LRFN2: variants seen among roughly 807,000 people sequenced by gnomAD.
The protein encoded by LRFN2 is leucine rich repeat and fibronectin type III domain containing 2.
In LRFN2, 18 loss-of-function variants were observed where a neutral mutation model predicts 37.3. That is an observed-to-expected ratio of 0.48 (90% CI 0.33 to 0.72). The LOEUF is 0.72. LRFN2 is among the 30% of genes least tolerant of loss of function. The probability of loss-of-function intolerance (pLI) is 0.02; values close to 1 mark genes in which losing one functional copy is unlikely to be tolerated. For missense variants in LRFN2, 1,006 were observed against 1,060.7 expected (o/e 0.95, Z 0.72); for synonymous variants, 556 against 466.6 (o/e 1.19, Z -2.47).
chr6:40,397,575 G>T (rs1244187314), intron 2 of LRFN2, among the ~76,000 whole-genome samples: 1 of 152,182 alleles, frequency 6.6e-6, no homozygotes, highest in Non-Finnish European at 1.5e-5. Context: ...TCACATTGTT[G>T]TCCTTCTACC....
chr6:40,556,189 G>A lies in LRFN2; in HGVS notation c.-19+30752C>T, dbSNP rs1428525299. On this transcript the variant is annotated intron_variant, in intron 1 of 2. Transcript: ENST00000338305. ...AAACTGGGGTCTGGGAGAGCTGGGA[G>A]GAGCCATGGAAATCAGAGGCCCTCC... 5.3e-5 allele frequency among the ~76,000 whole-genome samples: 8 copies of A among 152,194 alleles called. No homozygotes were observed. In the South Asian group the frequency reaches 8.3e-4, roughly 16 times the overall value.
chr6:40,506,561 G>T (rs183172665), intron 1 of LRFN2, among the ~76,000 whole-genome samples: 3 of 152,120 alleles, frequency 2.0e-5, no homozygotes, highest in Admixed American at 6.5e-5. Context: ...AGGATCATGA[G>T]GAAGGTGCAT....
intron 1 of LRFN2, among the ~76,000 whole-genome samples, chr6:40,485,090 C>G (rs1329192821): frequency 3.3e-5 from 5 of 152,220 alleles, no homozygotes; most frequent in Admixed American, 3.3e-4. Flanking sequence ...TAACCTACTT[C>G]CTCTTTGGTT....
At chr6:40,586,561 C>A (rs1398117589) in intron 1 of LRFN2, among the ~76,000 whole-genome samples, 1 of 152,122 alleles carries the variant, frequency 6.6e-6, no homozygotes, top group Non-Finnish European at 1.5e-5. Flanking sequence ...TGGCTCTAGC[C>A]AGGCCTTGCA....
intron 1 of LRFN2, among the ~76,000 whole-genome samples, chr6:40,509,433 A>G (rs1313747400): frequency 6.6e-6 from 1 of 152,280 alleles, no homozygotes; most frequent in Non-Finnish European, 1.5e-5. Context: ...GTAGTGGGTC[A>G]TGCCCAGCAT....
chr6:40,509,534 T>A (rs1765637207), intron 1 of LRFN2, among the ~76,000 whole-genome samples: 1 of 152,140 alleles, frequency 6.6e-6, no homozygotes, highest in Non-Finnish European at 1.5e-5. Context: ...TGCATGTGGG[T>A]ATTCTAGGGA....
chr6:40,458,082 A>G (rs1764271300), intron 1 of LRFN2, among the ~76,000 whole-genome samples: 1 of 152,148 alleles, frequency 6.6e-6, no homozygotes, highest in South Asian at 2.1e-4. Flanking sequence ...GTTGTGTAAG[A>G]TTGGAGGCCG....
intron 2 of LRFN2, among the ~76,000 whole-genome samples, chr6:40,401,029 A>C (rs1762728283): frequency 6.6e-6 from 1 of 151,758 alleles, no homozygotes; most frequent in African/African-American, 2.4e-5. Flanking sequence ...ACATCCTCTG[A>C]AACTTCTGAG....
intron 2 of LRFN2, among the ~76,000 whole-genome samples, chr6:40,431,304 AC>A (rs1167241066): frequency 1.3e-5 from 2 of 152,314 alleles, no homozygotes; most frequent in African/African-American, 4.8e-5. Context: ...CTTAACCATG[AC>A]TGCATATGAG....
intron 1 of LRFN2, among the ~76,000 whole-genome samples, chr6:40,550,736 AG>A (rs1057190519): frequency 7.9e-5 from 12 of 152,182 alleles, no homozygotes; most frequent in Admixed American, 7.9e-4. Flanking sequence ...GGGTGTGTTG[AG>A]GTGTAAACAG....
At chr6:40,448,817 C>T (rs888989036) in intron 1 of LRFN2, among the ~76,000 whole-genome samples, 4 of 152,216 alleles carry the variant, frequency 2.6e-5, no homozygotes, top group African/African-American at 9.7e-5. Context: ...AATTCCCTTG[C>T]AGAGCTGGAG....
chr6:40,473,393 T>C (rs553392972), intron 1 of LRFN2, among the ~76,000 whole-genome samples: 1 of 152,172 alleles, frequency 6.6e-6, no homozygotes, highest in Admixed American at 6.5e-5. Flanking sequence ...CCAGCCATCT[T>C]CTAGCCATGT....
intron 2 of LRFN2, among the ~76,000 whole-genome samples, chr6:40,417,613 G>A (rs1191749213): frequency 6.6e-6 from 1 of 152,180 alleles, no homozygotes; most frequent in Non-Finnish European, 1.5e-5. Context: ...GTCAGTGATG[G>A]CGTGGGATGC....
intron 1 of LRFN2, among the ~76,000 whole-genome samples, chr6:40,525,704 C>A (rs563163888): frequency 6.6e-6 from 1 of 152,150 alleles, no homozygotes; most frequent in Non-Finnish European, 1.5e-5. Context: ...TTTCTTCTTA[C>A]TTTCCCCTTA....
intron 2 of LRFN2, among the ~76,000 whole-genome samples, chr6:40,420,279 C>A (rs1261733905): frequency 6.6e-6 from 1 of 152,236 alleles, no homozygotes; most frequent in Non-Finnish European, 1.5e-5. Context: ...CCTCTGAGAC[C>A]CTGAAGATGG....
At chr6:40,409,931 G>A (rs926762109) in intron 2 of LRFN2, among the ~76,000 whole-genome samples, 2 of 152,148 alleles carry the variant, frequency 1.3e-5, no homozygotes, top group Non-Finnish European at 2.9e-5. Flanking sequence ...TTTCCACCCA[G>A]CAGTCAGGAG....
chr6:40,415,775 T>C (rs1411326404), intron 2 of LRFN2, among the ~76,000 whole-genome samples: 2 of 152,200 alleles, frequency 1.3e-5, no homozygotes, highest in Admixed American at 6.5e-5. Flanking sequence ...AGACTTGAGT[T>C]GTAAACTTAA....
chr6:40,448,995 G>T lies in LRFN2; in HGVS notation c.-18-15864C>A, dbSNP rs144692739. 3.3e-3 allele frequency among the ~76,000 whole-genome samples: 503 copies of T among 152,276 alleles called. 2 individuals carry two copies. The highest frequency in any genetic ancestry group is 0.012 in the African/African-American group (481 of 41,558). On this transcript the variant is annotated intron_variant, in intron 1 of 2. Transcript: ENST00000338305. Reference sequence around the variant, plus strand: ...TAACCAAAGCAACCAACTCTTCCTTGACACGCAGCATTGTGCTCTTCCTCT... The same window carrying T: ...TAACCAAAGCAACCAACTCTTCCTTTACACGCAGCATTGTGCTCTTCCTCT...
chr6:40,409,908 C>T (rs1365337695), intron 2 of LRFN2, among the ~76,000 whole-genome samples: 7 of 152,164 alleles, frequency 4.6e-5, no homozygotes, highest in Non-Finnish European at 8.8e-5. Context: ...CCTCACCCCA[C>T]GGAGAGTTGC....
Sources: gnomAD v4.1 joint callset for allele counts (sites outside exome capture counted in the v4.1 genomes callset) on GRCh38, gnomAD v4.1.1 for gene constraint, MANE v1.5 for transcripts, NCBI Gene and HGNC (gene_info 2026-07-23, HGNC 2026-07-21) for gene names.